The following CNTN1 variants were observed in gnomAD, a reference collection of about 807,000 sequenced individuals.
The protein encoded by CNTN1 is contactin-1.
Under a neutral mutation model 126.4 loss-of-function variants are expected in CNTN1, and 38 were observed. That is an observed-to-expected ratio of 0.30 (90% confidence interval 0.23 to 0.39). The LOEUF (loss-of-function observed/expected upper bound fraction) is 0.39, where lower values mean the gene tolerates loss of function less well. Ranked by LOEUF, CNTN1 falls within the 10% of genes least tolerant of loss-of-function variation. The pLI is 1.00. For missense variants in CNTN1, 1,009 were observed against 1,248.4 expected, an observed-to-expected ratio of 0.81 and a Z score of 2.89; for synonymous variants, 413 against 422.6, an observed-to-expected ratio of 0.98 and a Z score of 0.28.
chr12:40,724,322 T>C (rs1942297140), intron 1 of CNTN1, among the ~76,000 whole-genome samples: 1 of 152,160 alleles, frequency 6.6e-6, no homozygotes, highest in Admixed American at 6.6e-5. Context: ...TCCCTGGATT[T>C]CTACAGGAGT....
At chr12:40,799,593 G>T (rs1050288902) in intron 1 of CNTN1, among the ~76,000 whole-genome samples, 1 of 151,874 alleles carries the variant, frequency 6.6e-6, no homozygotes, top group South Asian at 2.1e-4. Context: ...AAAACAAAAG[G>T]CTTCAGAAAA....
Position 40,705,199 on chromosome 12 carries a change from G to A in CNTN1, c.-77+12607G>A, listed in dbSNP as rs146399350. On this transcript the variant is annotated intron_variant, in intron 1 of 23. Coordinates refer to ENST00000551295, the MANE Select transcript of CNTN1 (RefSeq NM_001843.4). Reference sequence around the variant, plus strand: ...GTGGTATTTCTCGAAGCTAATGATTGCCTATTATTTGTTTCATTAGGGAAT... The same window carrying A: ...GTGGTATTTCTCGAAGCTAATGATTACCTATTATTTGTTTCATTAGGGAAT... 1.7e-3 allele frequency among the ~76,000 whole-genome samples: 261 copies of A among 152,212 alleles called. 1 individual carries two copies. The highest frequency in any genetic ancestry group is 5.9e-3 in the African/African-American group (244 of 41,518).
At chr12:40,700,988 G>C (rs1941580335) in intron 1 of CNTN1, among the ~76,000 whole-genome samples, 1 of 152,170 alleles carries the variant, frequency 6.6e-6, no homozygotes, top group Non-Finnish European at 1.5e-5. Flanking sequence ...TTAATGCATG[G>C]AGAGGCTAGA....
chr12:40,831,115 A>G (rs1182293294), intron 1 of CNTN1, among the ~76,000 whole-genome samples: 1 of 146,340 alleles, frequency 6.8e-6, no homozygotes, highest in Non-Finnish European at 1.5e-5. Context: ...ATAGTATACT[A>G]TATATACTGT....
In CNTN1 at chr12:40,733,663, TA is replaced by T. The variant is rs551264932; in HGVS notation, c.-77+41079del. ...GGATTGCAGAATATTTCCAATTTGA[TA>T]AAAAAAAGTATATAATACATTCTAA... On this transcript the variant is annotated intron_variant, in intron 1 of 23. Coordinates refer to ENST00000551295, the MANE Select transcript of CNTN1 (RefSeq NM_001843.4). 2.9e-3 allele frequency among the ~76,000 whole-genome samples: 446 copies of T among 151,790 alleles called. 4 individuals are homozygous for T. Among genetic ancestry groups the T allele is most frequent in the African/African-American group, 9.6e-3 (399 of 41,458 alleles).
chr12:40,812,678 T>C (rs1250517392), intron 1 of CNTN1, among the ~76,000 whole-genome samples: 1 of 152,168 alleles, frequency 6.6e-6, no homozygotes, highest in Non-Finnish European at 1.5e-5. Flanking sequence ...CGACAGTATT[T>C]TACTTAAAGT....
chr12:41,044,559 A>G (rs1481523329), intron 23 of CNTN1, among the ~76,000 whole-genome samples: 4 of 151,704 alleles, frequency 2.6e-5, no homozygotes, highest in Admixed American at 1.3e-4. Flanking sequence ...TTTGAAATCT[A>G]TGAGGCAAAT....
intron 1 of CNTN1, among the ~76,000 whole-genome samples, chr12:40,822,357 G>A (rs1019122008): frequency 4.0e-5 from 6 of 151,676 alleles, no homozygotes; most frequent in African/African-American, 9.7e-5. Flanking sequence ...GTTTCACCAT[G>A]TTGGCCAGGC....
At chr12:40,733,558 G>A (rs1273952628) in intron 1 of CNTN1, among the ~76,000 whole-genome samples, 3 of 151,732 alleles carry the variant, frequency 2.0e-5, no homozygotes, top group Non-Finnish European at 4.4e-5. Flanking sequence ...AAAGGCAGCA[G>A]GCTTAAAAAG....
At chr12:41,041,399 G>A (rs868271601) in intron 23 of CNTN1, among the ~76,000 whole-genome samples, 3 of 152,114 alleles carry the variant, frequency 2.0e-5, no homozygotes, top group East Asian at 1.9e-4. Flanking sequence ...GTCTCTGCCC[G>A]GCTTTGGTAT....
At chr12:40,971,700 T>C in intron 15 of CNTN1, 1 of 1,380,876 alleles carries the variant, frequency 7.2e-7, no homozygotes. Context: ...ATAACTATAA[T>C]GCTTCACTAA....
intron 1 of CNTN1, among the ~76,000 whole-genome samples, chr12:40,773,668 T>TAC (rs1939449552): frequency 2.1e-4 from 2 of 9,374 alleles, no homozygotes; most frequent in African/African-American, 4.1e-4. Flanking sequence ...CATATATATA[T>TAC]ATATACACAT....
chr12:41,051,145 CTTTT>C (rs58479316), intron 23 of CNTN1, among the ~76,000 whole-genome samples: 1 of 120,408 alleles, frequency 8.3e-6, no homozygotes, highest in Admixed American at 8.4e-5. Context: ...GCTTTGTGAT[CTTTT>C]TTTTTTTTTT....
intron 1 of CNTN1, among the ~76,000 whole-genome samples, chr12:40,702,316 A>G (rs373510965): frequency 1.3e-5 from 2 of 152,188 alleles, no homozygotes; most frequent in African/African-American, 4.8e-5. Flanking sequence ...ATTGTACTGT[A>G]GAATTCTATT....
At chr12:41,022,107 A>G (rs1948927720) in intron 20 of CNTN1, among the ~76,000 whole-genome samples, 2 of 152,184 alleles carry the variant, frequency 1.3e-5, no homozygotes, top group Admixed American at 6.5e-5. Context: ...AGAATTATAT[A>G]TTGACGATTT....
At chr12:40,851,821 C>G (rs573712903) in intron 1 of CNTN1, among the ~76,000 whole-genome samples, 1 of 152,114 alleles carries the variant, frequency 6.6e-6, no homozygotes. Context: ...AAAGGTGATT[C>G]GCAGTGGGGA....
At chr12:40,694,752 T>G (rs1196645522) in intron 1 of CNTN1, among the ~76,000 whole-genome samples, 1 of 152,232 alleles carries the variant, frequency 6.6e-6, no homozygotes, top group Non-Finnish European at 1.5e-5. Context: ...CTTTTAATTT[T>G]GCTCTGCAAC....
intron 1 of CNTN1, among the ~76,000 whole-genome samples, chr12:40,862,554 C>T (rs895205187): frequency 7.2e-5 from 11 of 152,140 alleles, no homozygotes; most frequent in African/African-American, 2.7e-4. Flanking sequence ...GTCTCTGATA[C>T]ACTCAAGGAA....
Position 40,694,904 on chromosome 12 carries a change from C to T in CNTN1, c.-77+2312C>T, listed in dbSNP as rs77368631. Among the ~76,000 whole-genome samples the T allele has an allele frequency of 9.5e-3, 1,450 of 152,106 alleles. 13 individuals carry two copies. Among genetic ancestry groups the T allele is most frequent in the Non-Finnish European group, 0.016 (1,111 of 67,974 alleles). ...TGCATGTTTCTATCATGGGGATGGG[C>T]GCATAGTGGGTCATTAATAAACAGG... On this transcript the variant is annotated intron_variant, in intron 1 of 23. Transcript: ENST00000551295.
Sources: gnomAD v4.1 joint callset for allele counts (sites outside exome capture counted in the v4.1 genomes callset) on GRCh38, gnomAD v4.1.1 for gene constraint, MANE v1.5 for transcripts, NCBI Gene and HGNC (gene_info 2026-07-23, HGNC 2026-07-21) for gene names.